The following FHIT variants were observed in gnomAD, a reference collection of about 807,000 sequenced individuals.
FHIT encodes bis(5'-adenosyl)-triphosphatase.
A neutral mutation model predicts 17.9 loss-of-function variants in FHIT; 19 were observed. That is an observed-to-expected ratio of 1.06 (90% confidence interval 0.74 to 1.56). The LOEUF (loss-of-function observed/expected upper bound fraction) is 1.56, where lower values mean the gene tolerates loss of function less well. Ranked by LOEUF, FHIT falls within the 40% of genes most tolerant of loss-of-function variation. FHIT has a pLI of 0.00. For missense variants in FHIT, 248 were observed against 189.2 expected, an observed-to-expected ratio of 1.31 and a Z score of -1.82; for synonymous variants, 81 against 69.7, an observed-to-expected ratio of 1.16 and a Z score of -0.81.
chr3:60,707,518 C>T (rs2041404312), intron 4 of FHIT, among the ~76,000 whole-genome samples: 1 of 152,078 alleles, frequency 6.6e-6, no homozygotes, highest in Admixed American at 6.5e-5. Flanking sequence ...AAATCACTTC[C>T]CTAGGCTCTA....
intron 8 of FHIT, among the ~76,000 whole-genome samples, chr3:59,756,501 A>G (rs889427181): frequency 1.3e-5 from 2 of 151,668 alleles, no homozygotes; most frequent in Non-Finnish European, 1.5e-5. Context: ...AATACAAGAC[A>G]CTCAGTGACT....
At chr3:61,204,069 T>C (rs2039123770) in intron 1 of FHIT, among the ~76,000 whole-genome samples, 1 of 152,174 alleles carries the variant, frequency 6.6e-6, no homozygotes, top group Non-Finnish European at 1.5e-5. Flanking sequence ...CAAAATATAA[T>C]GTAAAACAAA....
At chr3:60,814,950 A>AT (rs1197664976) in intron 4 of FHIT, among the ~76,000 whole-genome samples, 3 of 145,512 alleles carry the variant, frequency 2.1e-5, no homozygotes, top group African/African-American at 7.7e-5. Context: ...CTGGTGTGAG[A>AT]TGGTATCTCA....
intron 4 of FHIT, among the ~76,000 whole-genome samples, chr3:60,680,493 T>A (rs538351448): frequency 6.6e-6 from 1 of 152,262 alleles, no homozygotes; most frequent in South Asian, 2.1e-4. Context: ...ACCTGAATGA[T>A]GTTGCCTCGA....
At chr3:60,931,687 G>T (rs1553771845) in intron 3 of FHIT, among the ~76,000 whole-genome samples, 1 of 152,214 alleles carries the variant, frequency 6.6e-6, no homozygotes, top group Non-Finnish European at 1.5e-5. Flanking sequence ...TTACTTTAGG[G>T]TATGGAGTTT....
At chr3:60,635,823 G>A (rs1412085653) in intron 4 of FHIT, among the ~76,000 whole-genome samples, 4 of 152,008 alleles carry the variant, frequency 2.6e-5, no homozygotes, top group Admixed American at 6.6e-5. Context: ...TCCCTTAAAC[G>A]GGCAGACAGC....
intron 5 of FHIT, among the ~76,000 whole-genome samples, chr3:60,442,207 G>T (rs908454242): frequency 6.6e-6 from 1 of 151,894 alleles, no homozygotes; most frequent in African/African-American, 2.4e-5. Context: ...AAAGAGATGT[G>T]ATTTCATTAT....
At chr3:60,467,173 C>T (rs935971903) in intron 5 of FHIT, among the ~76,000 whole-genome samples, 1 of 151,948 alleles carries the variant, frequency 6.6e-6, no homozygotes, top group African/African-American at 2.4e-5. Context: ...ACAGTATCTT[C>T]TAATGATCTT....
At chr3:60,411,004 C>G (rs1291831421) in intron 5 of FHIT, among the ~76,000 whole-genome samples, 1 of 152,036 alleles carries the variant, frequency 6.6e-6, no homozygotes, top group African/African-American at 2.4e-5. Flanking sequence ...AGTAGTGTGC[C>G]AAATGTCAAT....
chr3:61,249,776 A>G (rs2040569009), intron 1 of FHIT, among the ~76,000 whole-genome samples: 1 of 152,090 alleles, frequency 6.6e-6, no homozygotes, highest in African/African-American at 2.4e-5. Flanking sequence ...GTTTTTTCTC[A>G]TATACAAATG....
At chr3:60,945,498 T>G (rs1428326185) in intron 3 of FHIT, among the ~76,000 whole-genome samples, 3 of 152,156 alleles carry the variant, frequency 2.0e-5, no homozygotes, top group African/African-American at 7.2e-5. Context: ...GTTCGAGTGA[T>G]TCTCCAGCCT....
At chr3:60,419,212 AC>A (rs1702381263) in intron 5 of FHIT, among the ~76,000 whole-genome samples, 1 of 152,164 alleles carries the variant, frequency 6.6e-6, no homozygotes. Context: ...CATTTGCACA[AC>A]AGTGCCCGTC....
chr3:61,009,245 C>T (rs1214142667), intron 3 of FHIT, among the ~76,000 whole-genome samples: 2 of 152,182 alleles, frequency 1.3e-5, no homozygotes, highest in Admixed American at 1.3e-4. Flanking sequence ...AGCAGGGGTG[C>T]AGGCATGAGC....
At chr3:60,189,918 G>C (rs1218495134) in intron 5 of FHIT, among the ~76,000 whole-genome samples, 2 of 152,140 alleles carry the variant, frequency 1.3e-5, no homozygotes, top group East Asian at 3.8e-4. Context: ...TGTATGCATT[G>C]AACAGTTACC....
intron 5 of FHIT, among the ~76,000 whole-genome samples, chr3:60,532,770 C>T (rs1009912049): frequency 1.3e-5 from 2 of 152,138 alleles, no homozygotes; most frequent in Non-Finnish European, 1.5e-5. Flanking sequence ...GCTTCAAAAG[C>T]GTATCTTTGG....
At chr3:60,717,540 A>AC (rs1553707080) in intron 4 of FHIT, among the ~76,000 whole-genome samples, 1 of 152,160 alleles carries the variant, frequency 6.6e-6, no homozygotes, top group African/African-American at 2.4e-5. Context: ...AGGCAGGGCT[A>AC]CCCGAGCAGC....
At chr3:60,739,561 G>A (rs1246118439) in intron 4 of FHIT, among the ~76,000 whole-genome samples, 1 of 152,160 alleles carries the variant, frequency 6.6e-6, no homozygotes, top group African/African-American at 2.4e-5. Flanking sequence ...TGACATTTGA[G>A]GTGGGATGAT....
intron 7 of FHIT, among the ~76,000 whole-genome samples, chr3:59,971,416 T>C (rs1020701120): frequency 6.6e-6 from 1 of 152,142 alleles, no homozygotes; most frequent in African/African-American, 2.4e-5. Flanking sequence ...AATTGCTATG[T>C]CTGAAGGGTC....
At chr3:60,531,558 G>A (rs539520269) in intron 5 of FHIT, among the ~76,000 whole-genome samples, 27 of 152,136 alleles carry the variant, frequency 1.8e-4, no homozygotes, top group Non-Finnish European at 3.2e-4. Flanking sequence ...GATTACAGGC[G>A]TGAGCCACCG....
Sources: gnomAD v4.1 joint callset for allele counts (sites outside exome capture counted in the v4.1 genomes callset) on GRCh38, gnomAD v4.1.1 for gene constraint, MANE v1.5 for transcripts, NCBI Gene and HGNC (gene_info 2026-07-23, HGNC 2026-07-21) for gene names.